The following METTL22 variants were observed in gnomAD, a reference collection of about 807,000 sequenced individuals.
The protein encoded by METTL22 is methyltransferase-like protein 22.
METTL22 carries 51 observed loss-of-function variants against 48.4 expected under a neutral mutation model. The observed-to-expected ratio is 1.05, with a 90% confidence interval of 0.84 to 1.33. The LOEUF (loss-of-function observed/expected upper bound fraction) is 1.33. Among genes scored for constraint, METTL22 ranks in the 40% most tolerant of loss-of-function variants. METTL22 has a pLI of 0.00. For synonymous variants in METTL22, 255 were observed against 214.1 expected, an observed-to-expected ratio of 1.19 and a Z score of -1.67; for missense variants, 678 against 526.9, an observed-to-expected ratio of 1.29 and a Z score of -2.81.
the METTL22 span, among the ~76,000 whole-genome samples, chr16:8,657,820 C>CTTTTTTT: frequency 9.2e-4 from 127 of 137,334 alleles, 6 homozygotes; most frequent in African/African-American, 3.5e-3. Context: ...CTTTTCTTTT[C>CTTTTTTT]TTTCTTTTTT....
At chr16:8,661,145 C>T in the METTL22 span, among the ~76,000 whole-genome samples, 1 of 152,100 alleles carries the variant, frequency 6.6e-6, no homozygotes, top group African/African-American at 2.4e-5. Flanking sequence ...GGTGGTGCCC[C>T]AGCCTCATGA....
chr16:8,624,750 T>C (rs535633449), intron 1 of METTL22, among the ~76,000 whole-genome samples: 1 of 152,180 alleles, frequency 6.6e-6, no homozygotes, highest in Non-Finnish European at 1.5e-5. Context: ...GCTGTAGTCC[T>C]AACTATGAAG....
rs1275583372 is a variant in METTL22 at position 8,646,579 on chromosome 16, C to A, written c.*436C>A. The A allele has an allele frequency of 8.6e-6, 4 of 464,986 alleles. No individual in the cohort carries two copies. The highest frequency in any genetic ancestry group is 1.7e-5 in the Non-Finnish European group (4 of 232,710). 28.8% of individuals were successfully genotyped at this position (464,986 alleles called of 1,614,324 possible). A position where few individuals can be genotyped will look rare whatever the true frequency, so the allele number is the denominator to read the frequency against. ...ATCATATTGCCGCTCGGCACAAAAG[C>A]CTCATTTCCTCCCAGGGTTGGGTAT... On this transcript the variant is annotated 3_prime_UTR_variant, in exon 11 of 11. Transcript: ENST00000381920.
intron 6 of METTL22, among the ~76,000 whole-genome samples, chr16:8,640,127 C>T (rs753196620): frequency 1.3e-5 from 2 of 152,218 alleles, no homozygotes; most frequent in South Asian, 4.1e-4. Context: ...CCATTCCCAC[C>T]GGACTACAAG....
chr16:8,642,342 T>C, intron 8 of METTL22, 121 bp from the exon 9 acceptor site: 1 of 1,258,200 alleles, frequency 7.9e-7, no homozygotes, highest in Non-Finnish European at 1.2e-6. Context: ...GCAGTTTTAA[T>C]TCTGGAAGCT....
chr16:8,641,504 G>A (rs1235820382), intron 7 of METTL22: 3 of 528,812 alleles, frequency 5.7e-6, no homozygotes, highest in East Asian at 4.9e-5. Context: ...GCATAGACCC[G>A]AGTTTGTCAG....
chr16:8,644,152 G>A (rs981443175), intron 9 of METTL22, among the ~76,000 whole-genome samples: 1 of 152,076 alleles, frequency 6.6e-6, no homozygotes, highest in Admixed American at 6.6e-5. Context: ...GGAGTCCTCT[G>A]CACCGCCCCC....
Position 8,635,276 on chromosome 16 carries a change from A to G in METTL22, c.664A>G (p.Ile222Val), listed in dbSNP as rs776442518. The G allele has an allele frequency of 1.9e-6, 3 of 1,601,740 alleles. No individual in the cohort carries two copies. The change falls in exon 5 of 11, where the codon ATC becomes GTC. Residue 222 changes from isoleucine to valine, a missense_variant. Ile to Val is a conservative substitution (Grantham distance 29, BLOSUM62 3). Coordinates refer to ENST00000381920, the MANE Select transcript of METTL22 (RefSeq NM_024109.4). ...GGCCGGCACGGGGCTCGCTAGCATCATCGCAGCCACCATGGCACGGACCGT... is the reference window on the plus strand; with the variant it reads ...GGCCGGCACGGGGCTCGCTAGCATCGTCGCAGCCACCATGGCACGGACCGT... ...LGAGTGLASI[I>V]AATMARTVYC...
At chr16:8,660,409 C>CGG in the METTL22 span, among the ~76,000 whole-genome samples, 1 of 152,012 alleles carries the variant, frequency 6.6e-6, no homozygotes, top group African/African-American at 2.4e-5. Context: ...GAACTCCTGA[C>CGG]CTCAAGTGAT....
chr16:8,658,158 C>T, the METTL22 span, among the ~76,000 whole-genome samples: 2 of 152,100 alleles, frequency 1.3e-5, no homozygotes, highest in Non-Finnish European at 2.9e-5. Context: ...GATTTGAGAA[C>T]CACAGTGAAG....
At chr16:8,657,362 A>T in the METTL22 span, among the ~76,000 whole-genome samples, 1 of 152,210 alleles carries the variant, frequency 6.6e-6, no homozygotes, top group Admixed American at 6.5e-5. Flanking sequence ...GCGTAGTTAA[A>T]TACAATATTA....
intron 3 of METTL22, among the ~76,000 whole-genome samples, chr16:8,633,681 A>G (rs1046546984): frequency 1.3e-5 from 2 of 152,246 alleles, no homozygotes; most frequent in Non-Finnish European, 2.9e-5. Context: ...CTCTGTGACC[A>G]CAGCCTGCTA....
chr16:8,660,498 C>T, the METTL22 span, among the ~76,000 whole-genome samples: 1 of 151,848 alleles, frequency 6.6e-6, no homozygotes, highest in African/African-American at 2.4e-5. Flanking sequence ...AATTTTATCT[C>T]CTCATTTTTC....
intron 1 of METTL22, among the ~76,000 whole-genome samples, chr16:8,623,327 A>AG (rs1263325851): frequency 1.2e-4 from 18 of 151,796 alleles, no homozygotes; most frequent in African/African-American, 4.3e-4. Context: ...AAAAAAAAAA[A>AG]TGCGCTATGG....
At chr16:8,655,867 T>C in the METTL22 span, among the ~76,000 whole-genome samples, 1 of 152,190 alleles carries the variant, frequency 6.6e-6, no homozygotes, top group Non-Finnish European at 1.5e-5. Flanking sequence ...TTCTGAGGCA[T>C]TTGGGGGATT....
intron 2 of METTL22, among the ~76,000 whole-genome samples, chr16:8,626,148 C>A (rs2056042727): frequency 1.3e-5 from 2 of 152,148 alleles, no homozygotes; most frequent in Non-Finnish European, 2.9e-5. Flanking sequence ...AGGCTCACAT[C>A]ACCACACCTG....
Position 8,644,653 on chromosome 16 carries a change from G to C in METTL22, c.1107G>C (p.Lys369Asn). Residue 369 changes from lysine (K) to asparagine (N), a missense_variant, in exon 10 of 11, where the codon AAG (lysine) becomes AAC (asparagine). By Grantham distance (94) the Lys-to-Asn change is moderately conservative (BLOSUM62 0). Coordinates refer to ENST00000381920, the MANE Select transcript of METTL22 (RefSeq NM_024109.4). Reference sequence around the variant, plus strand: ...CGCTGGAGCAGCTCGCAGATGGCAAGCTGCGCTTCGTGGTGGAGCCCGTGG... The same window carrying C: ...CGCTGGAGCAGCTCGCAGATGGCAACCTGCGCTTCGTGGTGGAGCCCGTGG... ...LHALEQLADG[K>N]LRFVVEPVEA... is the part of the protein sequence containing the mutation. The C allele has an allele frequency of 6.2e-7, 1 of 1,606,920 alleles. No individual in the cohort carries two copies. Among genetic ancestry groups the C allele is most frequent in the Non-Finnish European group, 8.5e-7 (1 of 1,176,916 alleles).
the METTL22 span, among the ~76,000 whole-genome samples, chr16:8,662,652 GT>G: frequency 2.1e-5 from 3 of 143,828 alleles, 1 homozygote; most frequent in African/African-American, 7.9e-5. Flanking sequence ...GATGGTTTGG[GT>G]CCTGGAGACA....
the METTL22 span, among the ~76,000 whole-genome samples, chr16:8,665,960 GCA>G: frequency 6.6e-6 from 1 of 152,222 alleles, no homozygotes; most frequent in East Asian, 1.9e-4. Context: ...ACAGAAGTGA[GCA>G]CAGACTATGA....
Sources: allele counts gnomAD v4.1 joint callset (sites outside exome capture counted in the v4.1 genomes callset), GRCh38; gene constraint gnomAD v4.1.1; transcripts MANE v1.5; gene names NCBI Gene and HGNC (gene_info 2026-07-23, HGNC 2026-07-21).